The following CYP11A1 variants were observed in gnomAD, a reference collection of about 807,000 sequenced individuals.
CYP11A1 encodes the protein cholesterol side-chain cleavage enzyme, mitochondrial.
In CYP11A1, 25 loss-of-function variants were observed where a neutral mutation model predicts 51.9. That is an observed-to-expected ratio of 0.48 (90% CI 0.35 to 0.67). The LOEUF is 0.67. Ranked by LOEUF, CYP11A1 falls within the 30% of genes least tolerant of loss-of-function variation. The pLI is 0.00. For missense variants in CYP11A1, 578 were observed against 680.9 expected (o/e 0.85, Z 1.68); for synonymous variants, 245 against 262.1 (o/e 0.93, Z 0.63).
rs763453608 is a variant in CYP11A1, at chr15:74,348,066, G to T, written c.270-11C>A. The T allele has an allele frequency of 8.7e-6, 14 of 1,613,760 alleles. No homozygotes were observed. The highest frequency in any genetic ancestry group is 6.7e-5 in the East Asian group (3 of 44,872). On this transcript the variant is annotated splice_polypyrimidine_tract_variant and intron_variant, in intron 1 of 8. Coordinates refer to ENST00000268053, the MANE Select transcript of CYP11A1 (RefSeq NM_000781.3). ...TTGCCGAGCTTCTCCCTGGAGGGGT[G>T]GGGGAGAGGGGCTGATGGAAGGATC...
chr15:74,342,650 C>T (rs1341305582), intron 5 of CYP11A1, among the ~76,000 whole-genome samples: 1 of 152,164 alleles, frequency 6.6e-6, no homozygotes, highest in Non-Finnish European at 1.5e-5. Flanking sequence ...CCTCCATCAG[C>T]AGGGCTCTGA....
Position 74,339,671 on chromosome 15 carries a change from G to A in CYP11A1, c.1073C>T (p.Ala358Val), listed in dbSNP as rs2060597413. The change falls in exon 6 of 9, where the codon GCT becomes GTT. Residue 358 changes from alanine to valine, a missense_variant. By Grantham distance (64) the Ala-to-Val change is moderately conservative. Transcript: ENST00000268053. ...GTCTCCCTGGGCCTGGTGCCGCGCAGCCAAGACCTCTGCCCGCAGCATATC... is the reference window on the plus strand; with the variant it reads ...GTCTCCCTGGGCCTGGTGCCGCGCAACCAAGACCTCTGCCCGCAGCATATC... ...VQDMLRAEVL[A>V]ARHQAQGDMA... The A allele has an allele frequency of 2.5e-6, 4 of 1,614,154 alleles. No individual in the cohort carries two copies. The highest frequency in any genetic ancestry group is 3.4e-6 in the Non-Finnish European group (4 of 1,180,024).
chr15:74,345,208 A>G lies in CYP11A1; in HGVS notation c.461T>C (p.Leu154Pro), dbSNP rs1383663243. Residue 154 changes from leucine to proline, a missense_variant, in exon 3 of 9, where the codon CTG (leucine) becomes CCG (proline). Coordinates refer to ENST00000268053, the MANE Select transcript of CYP11A1 (RefSeq NM_000781.3). The surrounding 1 kb of genome is among the most constrained non-coding windows in gnomAD (Gnocchi z 4.3). ...SAAWKKDRVA[L>P]NQEVMAPEAT... ...CTCTGGAGCCATCACCTCCTGGTTCAGGGCCACCCGGTCTTTCTTCCAGGC... is the reference window on the plus strand; with the variant it reads ...CTCTGGAGCCATCACCTCCTGGTTCGGGGCCACCCGGTCTTTCTTCCAGGC... The G allele has an allele frequency of 1.9e-6, 3 of 1,614,174 alleles. No individual in the cohort carries two copies. Among genetic ancestry groups the G allele is most frequent in the Non-Finnish European group, 2.5e-6 (3 of 1,180,020 alleles).
rs1350245535 is a variant in CYP11A1, at chr15:74,343,941, A to G, written c.677T>C (p.Val226Ala). The stretch of plus-strand genomic sequence containing the variant: ...AATGAATCGCTGGGCCTCGGGGTTC[A>G]CTACTTCCTCCAGCATCCCCTGGCG... ...GERQGMLEEV[V>A]NPEAQRFIDA... Residue 226 changes from valine to alanine, a missense_variant, in exon 4 of 9, where the codon GTG (valine) becomes GCG (alanine). Coordinates refer to ENST00000268053, the MANE Select transcript of CYP11A1 (RefSeq NM_000781.3). 3 of 1,614,170 alleles carry G rather than the reference A, an allele frequency of 1.9e-6. No homozygotes were observed. Among genetic ancestry groups the G allele is most frequent in the Non-Finnish European group, 2.5e-6 (3 of 1,180,040 alleles).
At chr15:74,357,964 C>T (rs190146145) in intron 1 of CYP11A1, among the ~76,000 whole-genome samples, 3 of 152,314 alleles carry the variant, frequency 2.0e-5, no homozygotes, top group Non-Finnish European at 4.4e-5. Flanking sequence ...TAACTGGAGC[C>T]CTAACCCTTG....
At chr15:74,361,270 A>C (rs2060707620) in intron 1 of CYP11A1, 2 of 187,862 alleles carry the variant, frequency 1.1e-5, no homozygotes, top group Non-Finnish European at 2.2e-5. Context: ...TTTTGTGAAT[A>C]ATATATTCCA....
At chr15:74,350,432 G>A (rs1432101657) in intron 1 of CYP11A1, among the ~76,000 whole-genome samples, 1 of 152,202 alleles carries the variant, frequency 6.6e-6, no homozygotes. Context: ...CTCATGAGTT[G>A]TGTGACATTG....
chr15:74,347,071 GC>G (rs1164117409), intron 2 of CYP11A1, among the ~76,000 whole-genome samples: 1 of 152,042 alleles, frequency 6.6e-6, no homozygotes, highest in African/African-American at 2.4e-5. Context: ...CTCCCAAAGT[GC>G]TGGGATTACA....
chr15:74,346,041 C>A (rs911645081), intron 2 of CYP11A1, among the ~76,000 whole-genome samples: 1 of 152,116 alleles, frequency 6.6e-6, no homozygotes, highest in African/African-American at 2.4e-5. Context: ...AAAATATATA[C>A]TAGTGTTTAA....
intron 1 of CYP11A1, chr15:74,365,930 G>A (rs540023757): frequency 5.1e-5 from 50 of 984,292 alleles, no homozygotes; most frequent in Middle Eastern, 1.0e-3. Context: ...AAAGCGCACG[G>A]AGTCCGTGTT....
intron 1 of CYP11A1, chr15:74,361,702 C>T: frequency 2.4e-6 from 3 of 1,239,228 alleles, no homozygotes; most frequent in South Asian, 1.2e-5. Flanking sequence ...TATAAGGGTT[C>T]CTGCTTTCAC....
At chr15:74,344,970 C>T in intron 3 of CYP11A1, 74 bp downstream of exon 3, 1 of 1,388,414 alleles carries the variant, frequency 7.2e-7, no homozygotes, top group African/African-American at 1.4e-5. Flanking sequence ...CTGTACTGAA[C>T]CTCAAGGTAA....
Position 74,343,111 on chromosome 15 carries a change from A to G in CYP11A1, c.856T>C (p.Trp286Arg), listed in dbSNP as rs1459305798. The G allele has an allele frequency of 6.2e-7, 1 of 1,613,798 alleles. No homozygotes were observed. The highest frequency in any genetic ancestry group is 1.7e-5 in the Admixed American group (1 of 60,004). ...ACACTTCCTTTCTGTCTCAATTCCC[A>G]GTAGAAGTTCTGGGTGTATATGTCA... ...KADIYTQNFY[W>R]ELRQKGSVHH... is the part of the protein sequence containing the mutation. The change falls in exon 5 of 9, where the codon TGG (tryptophan) becomes CGG (arginine). Residue 286 changes from tryptophan (W) to arginine (R), a missense_variant. Physicochemically the swap from Trp to Arg is moderately radical, Grantham distance 101. Coordinates refer to ENST00000268053, the MANE Select transcript of CYP11A1 (RefSeq NM_000781.3).
intron 1 of CYP11A1, among the ~76,000 whole-genome samples, chr15:74,353,528 C>T (rs1285783671): frequency 6.6e-6 from 1 of 152,084 alleles, no homozygotes; most frequent in Non-Finnish European, 1.5e-5. Context: ...ACTTATTGGT[C>T]ATACGCCTAA....
Position 74,345,091 on chromosome 15 carries a change from T to A in CYP11A1, c.578A>T (p.Asn193Ile), listed in dbSNP as rs1221401044. Residue 193 changes from asparagine (N) to isoleucine (I), a missense_variant, in exon 3 of 9, where the codon AAT becomes ATT. Transcript: ENST00000268053. This position sits in a 1 kb window ranked among gnomAD's most constrained non-coding sequence, Gnocchi z 4.3. ...GTCATCACTGATGTCCCCCGAGTAA[T>A]TTCCGGAGCCCGCCTTCTTGATGCG... ...HRRIKKAGSG[N>I]YSGDISDDLF... 1.2e-6 allele frequency: 2 copies of A among 1,613,956 alleles called. No homozygotes were observed. Among genetic ancestry groups the A allele is most frequent in the Non-Finnish European group, 1.7e-6 (2 of 1,179,984 alleles).
At chr15:74,344,060 G>T in intron 3 of CYP11A1, 68 bp from the exon 4 acceptor site, 1 of 1,341,502 alleles carries the variant, frequency 7.5e-7, no homozygotes, top group Non-Finnish European at 1.1e-6. Flanking sequence ...AACTCCCAGG[G>T]ACTCCTCCAC....
At chr15:74,349,594 T>C (rs2060646806) in intron 1 of CYP11A1, among the ~76,000 whole-genome samples, 1 of 152,214 alleles carries the variant, frequency 6.6e-6, no homozygotes, top group Non-Finnish European at 1.5e-5. Context: ...ACTGCTATTA[T>C]CATGATCAAT....
In CYP11A1 at chr15:74,338,555, C is replaced by T. The variant is rs759185471; in HGVS notation, c.1434+16G>A. 9 of 1,613,892 alleles carry T rather than the reference C, an allele frequency of 5.6e-6. No individual in the cohort carries two copies. The highest frequency in any genetic ancestry group is 7.6e-6 in the Non-Finnish European group (9 of 1,179,810). ...GGGCCAGCCCAGGGTGCCTAGATGTCCCCAGCTTGACTCACATTGATGAGG... is the reference window on the plus strand; with the variant it reads ...GGGCCAGCCCAGGGTGCCTAGATGTTCCCAGCTTGACTCACATTGATGAGG... On this transcript the variant is annotated intron_variant, in intron 8 of 8. Transcript: ENST00000268053.
In CYP11A1 at chr15:74,339,567, A is replaced by C; in HGVS notation, c.1157+20T>G. 6.2e-7 allele frequency: 1 copy of C among 1,610,116 alleles called. No homozygotes were observed. Among genetic ancestry groups the C allele is most frequent in the Non-Finnish European group, 8.5e-7 (1 of 1,176,884 alleles). On this transcript the variant is annotated intron_variant, in intron 6 of 8. Transcript: ENST00000268053. ...CCCAGGGATTGGAGTTGGGGGCGGC[A>C]TGGGTGGTTGTGGGCTTGCCTTAGT...
Sources: gnomAD v4.1 joint callset for allele counts (sites outside exome capture counted in the v4.1 genomes callset) on GRCh38, gnomAD v4.1.1 for gene constraint, Gnocchi (gnomAD v3.1) non-coding constraint, MANE v1.5 for transcripts, NCBI Gene and HGNC (gene_info 2026-07-23, HGNC 2026-07-21) for gene names.